The following RYK variants were observed in gnomAD, a reference collection of about 807,000 sequenced individuals.
The protein encoded by RYK is receptor like tyrosine kinase, also known as inactive tyrosine-protein kinase RYK.
RYK carries 21 observed loss-of-function variants against 70.2 expected under a neutral mutation model. The observed-to-expected ratio is 0.30, with a 90% CI of 0.21 to 0.43. The LOEUF (loss-of-function observed/expected upper bound fraction) is 0.43. RYK is among the 20% of genes least tolerant of loss of function. RYK has a pLI of 1.00. For missense variants in RYK, 604 were observed against 753.3 expected (o/e 0.80, Z 2.32); for synonymous variants, 267 against 278.0 (o/e 0.96, Z 0.39).
At chr3:134,178,126 G>A in intron 10 of RYK, 53 bp from the exon 11 acceptor site, 3 of 1,249,082 alleles carry the variant, frequency 2.4e-6, no homozygotes, top group Non-Finnish European at 3.4e-6. Flanking sequence ...AAATGTTAGG[G>A]GCTTACTTCT....
intron 2 of RYK, among the ~76,000 whole-genome samples, chr3:134,217,457 A>T (rs1292570148): frequency 6.6e-6 from 1 of 152,174 alleles, no homozygotes; most frequent in African/African-American, 2.4e-5. Context: ...ATCCCTTTCC[A>T]AATCTGGGTC....
chr3:134,245,351 A>G (rs2015436765), intron 1 of RYK, among the ~76,000 whole-genome samples: 1 of 152,132 alleles, frequency 6.6e-6, no homozygotes, highest in African/African-American at 2.4e-5. Context: ...ATTTCCTTCC[A>G]AAATTCCTCT....
intron 1 of RYK, among the ~76,000 whole-genome samples, chr3:134,235,984 G>C (rs994966717): frequency 3.3e-5 from 5 of 151,906 alleles, no homozygotes; most frequent in African/African-American, 4.8e-5. Flanking sequence ...TTCTAAGGTG[G>C]TCATTCCAAT....
At chr3:134,197,182 A>G (rs1370276559) in intron 6 of RYK, among the ~76,000 whole-genome samples, 2 of 152,226 alleles carry the variant, frequency 1.3e-5, no homozygotes, top group African/African-American at 4.8e-5. Context: ...TCATTAGGCT[A>G]TCATCTGGTC....
rs769393996 is a variant in RYK at position 134,240,966 on chromosome 3, T to C, written c.232+9457A>G. Among the ~76,000 whole-genome samples, 24 of 152,168 alleles carry C rather than the reference T, an allele frequency of 1.6e-4. 1 individual carries two copies. Among genetic ancestry groups the C allele is most frequent in the Non-Finnish European group, 1.9e-4 (13 of 68,036 alleles). ...CACAGCTATTGCTGTAAGCAAATAATAAATACCACCAGTGAATTTTACAAT... is the reference window on the plus strand; with the variant it reads ...CACAGCTATTGCTGTAAGCAAATAACAAATACCACCAGTGAATTTTACAAT... On this transcript the variant is annotated intron_variant, in intron 1 of 14. Transcript: ENST00000623711.
At chr3:134,161,949 C>T (rs1424418998) in intron 13 of RYK, among the ~76,000 whole-genome samples, 1 of 152,166 alleles carries the variant, frequency 6.6e-6, no homozygotes, top group Non-Finnish European at 1.5e-5. Context: ...AATGTGTCAG[C>T]GTGGCTGTGC....
At chr3:134,200,129 A>G (rs2013953590) in intron 6 of RYK, among the ~76,000 whole-genome samples, 1 of 152,094 alleles carries the variant, frequency 6.6e-6, no homozygotes, top group Non-Finnish European at 1.5e-5. Flanking sequence ...CACCCAAGCC[A>G]GCAGCGGCAA....
At chr3:134,192,040 G>C (rs1210025924) in intron 7 of RYK, 66 bp from the exon 8 acceptor site, 1 of 1,530,202 alleles carries the variant, frequency 6.5e-7, no homozygotes, top group Non-Finnish European at 8.9e-7. Context: ...GAGTCAACTA[G>C]TTCAGTTAGA....
intron 10 of RYK, 103 bp from the exon 11 acceptor site, chr3:134,178,176 C>A: frequency 1.2e-6 from 1 of 816,332 alleles, no homozygotes; most frequent in Non-Finnish European, 1.9e-6. Flanking sequence ...CCCCAAAATA[C>A]TTAAAAACAT....
At chr3:134,250,307 G>A (rs1046017482) in intron 1 of RYK, 116 bp downstream of exon 1, 2 of 448,544 alleles carry the variant, frequency 4.5e-6, no homozygotes, top group Non-Finnish European at 7.0e-6. Context: ...ATCCGGGCGC[G>A]GGGGGCGGGG....
At position 134,228,555 on chromosome 3, in the gene RYK, C is replaced by A. The variant is rs78149637; in HGVS notation, c.233-6016G>T. Among the ~76,000 whole-genome samples, 457 of 151,982 alleles carry A rather than the reference C, an allele frequency of 3.0e-3. 3 individuals carry two copies. The highest frequency in any genetic ancestry group is 9.9e-3 in the African/African-American group (411 of 41,440). On this transcript the variant is annotated intron_variant, in intron 1 of 14. Transcript: ENST00000623711. ...TGTCATTTGCTACAACATGAATGAA[C>A]CTGGAAGACATCATGTTAAGTGAAA...
chr3:134,185,472 T>A (rs1399053864), intron 9 of RYK, among the ~76,000 whole-genome samples: 1 of 152,210 alleles, frequency 6.6e-6, no homozygotes, highest in Non-Finnish European at 1.5e-5. Flanking sequence ...AGTTAAGACT[T>A]TTGTAGGAAT....
chr3:134,180,532 G>A (rs142441186), intron 10 of RYK: 4 of 152,160 alleles, frequency 2.6e-5, no homozygotes, highest in East Asian at 1.9e-4. Flanking sequence ...TCTATAATAC[G>A]ATCTCTGAAG....
chr3:134,225,767 G>C (rs1360657262), intron 1 of RYK, among the ~76,000 whole-genome samples: 1 of 152,032 alleles, frequency 6.6e-6, no homozygotes, highest in African/African-American at 2.4e-5. Flanking sequence ...TGAGGCATGA[G>C]GATGGCTTGA....
At chr3:134,241,756 A>G (rs2015331980) in intron 1 of RYK, among the ~76,000 whole-genome samples, 2 of 152,214 alleles carry the variant, frequency 1.3e-5, no homozygotes, top group South Asian at 4.1e-4. Flanking sequence ...GGAGTCACAT[A>G]GCCCCACACA....
chr3:134,201,003 A>G (rs918417663), intron 6 of RYK, among the ~76,000 whole-genome samples: 1 of 152,260 alleles, frequency 6.6e-6, no homozygotes, highest in Non-Finnish European at 1.5e-5. Flanking sequence ...GTGGGCTCAC[A>G]GCCCTAGCAC....
chr3:134,208,694 G>C (rs1055083680), intron 4 of RYK, among the ~76,000 whole-genome samples: 4 of 152,136 alleles, frequency 2.6e-5, no homozygotes, highest in African/African-American at 9.7e-5. Flanking sequence ...TTTATTAAAA[G>C]AAAGTTTAAC....
At chr3:134,171,398 T>A (rs1264498216) in intron 13 of RYK, among the ~76,000 whole-genome samples, 2 of 152,214 alleles carry the variant, frequency 1.3e-5, no homozygotes, top group African/African-American at 2.4e-5. Flanking sequence ...TCTTGGAGCA[T>A]CTTGCTTGGA....
At chr3:134,218,230 C>A (rs533387832) in intron 2 of RYK, among the ~76,000 whole-genome samples, 2 of 152,194 alleles carry the variant, frequency 1.3e-5, no homozygotes, top group African/African-American at 4.8e-5. Context: ...TAAAGCCGCA[C>A]ATCCCAACTC....
Sources: gnomAD v4.1 joint callset for allele counts (sites outside exome capture counted in the v4.1 genomes callset) on GRCh38, gnomAD v4.1.1 for gene constraint, MANE v1.5 for transcripts, NCBI Gene and HGNC (gene_info 2026-07-23, HGNC 2026-07-21) for gene names.